Variants in ZNF521 observed in about 807,000 individuals in gnomAD.
The protein encoded by ZNF521 is zinc finger protein 521, also known as LYST-interacting protein 3.
A neutral mutation model predicts 105.5 loss-of-function variants in ZNF521; 14 were observed. The observed-to-expected ratio is 0.13, with a 90% CI of 0.09 to 0.21. The LOEUF is 0.21. Ranked by LOEUF, ZNF521 falls within the 10% of genes least tolerant of loss-of-function variation. The pLI, the probability that ZNF521 is intolerant of heterozygous loss-of-function variation, is 1.00. For synonymous variants in ZNF521, 635 were observed against 606.0 expected (o/e 1.05, Z -0.70); for missense variants, 1,233 against 1,629.7 (o/e 0.76, Z 4.19).
rs1159787305 is a variant in ZNF521, at chr18:25,062,042, T to C, written c.*670A>G. 5.1e-6 allele frequency: 1 copy of C among 195,066 alleles called. No homozygotes were observed. Among genetic ancestry groups the C allele is most frequent in the East Asian group, 8.0e-5 (1 of 12,450 alleles). The allele number at this position is 195,066 out of a possible 1,614,324, so 12.1% of individuals were successfully genotyped here. ...CAGGTTAGTTCAACTGATTCAAGAA[T>C]TTGGCTGCGTGAAATCATTAAGGAA... On this transcript the variant is annotated 3_prime_UTR_variant, in exon 8 of 8. Coordinates refer to ENST00000361524, the MANE Select transcript of ZNF521 (RefSeq NM_015461.3).
At chr18:25,182,548 T>C (rs2035649906) in intron 5 of ZNF521, among the ~76,000 whole-genome samples, 1 of 152,218 alleles carries the variant, frequency 6.6e-6, no homozygotes, top group African/African-American at 2.4e-5. Flanking sequence ...CTTAAAGCTA[T>C]CTCCTTTATT....
rs188925902 is a variant in ZNF521, at chr18:25,151,920, C to T, written c.3658+43240G>A. ...CAAAAGATCTAAGCAAAGTCCAGTC[C>T]TTTCTTATGGAACGGGGGTTGGCAG... On this transcript the variant is annotated intron_variant, in intron 5 of 7. Coordinates refer to ENST00000361524, the MANE Select transcript of ZNF521 (RefSeq NM_015461.3). Among the ~76,000 whole-genome samples, 18 of 152,284 alleles carry T rather than the reference C, an allele frequency of 1.2e-4. No homozygotes were observed. The East Asian group carries it at 3.5e-3, about 29-fold the overall frequency.
intron 5 of ZNF521, among the ~76,000 whole-genome samples, chr18:25,095,344 T>G (rs866744927): frequency 6.6e-6 from 1 of 152,106 alleles, no homozygotes; most frequent in African/African-American, 2.4e-5. Context: ...CCAATTCTGC[T>G]CTCTGGAAAG....
At chr18:25,164,419 C>A (rs1341600111) in intron 5 of ZNF521, among the ~76,000 whole-genome samples, 1 of 152,166 alleles carries the variant, frequency 6.6e-6, no homozygotes, top group Admixed American at 6.5e-5. Flanking sequence ...CCCAGGCCAG[C>A]ACCTGAGTCC....
At chr18:25,338,049 T>G (rs1913987575) in intron 2 of ZNF521, among the ~76,000 whole-genome samples, 1 of 152,112 alleles carries the variant, frequency 6.6e-6, no homozygotes, top group African/African-American at 2.4e-5. Context: ...ACATCACAAT[T>G]TAAGATTGGC....
chr18:25,062,752 C>CAAAAATAAAAAAA lies in ZNF521; in HGVS notation c.3907-12_3907-11insTTTTTTTATTTTT. 2.8e-6 allele frequency: 1 copy of CAAAAATAAAAAAA among 359,496 alleles called. No individual in the cohort carries two copies. Among genetic ancestry groups the CAAAAATAAAAAAA allele is most frequent in the South Asian group, 3.3e-5 (1 of 29,930 alleles). The allele number at this position is 359,496 out of a possible 1,614,324, so 22.3% of individuals were successfully genotyped here. A position where few individuals can be genotyped will look rare whatever the true frequency, so the allele number is the denominator to read the frequency against. On this transcript the variant is annotated splice_polypyrimidine_tract_variant and intron_variant, in intron 7 of 7. Coordinates refer to ENST00000361524, the MANE Select transcript of ZNF521 (RefSeq NM_015461.3). ...GGTCATTGTATGATTCTGTAAATAACAAAAAAAAAAAAAAAAAAAAAAAAA... is the reference window on the plus strand; with the variant it reads ...GGTCATTGTATGATTCTGTAAATAACAAAAATAAAAAAAAAAAAAAAAAAAAAAAAAAAAAAAA...
In ZNF521 at chr18:25,177,349, C is replaced by T. The variant is rs566373946; in HGVS notation, c.3658+17811G>A. 9.2e-5 allele frequency among the ~76,000 whole-genome samples: 14 copies of T among 152,212 alleles called. No individual in the cohort carries two copies. The South Asian group carries it at 2.9e-3, about 32-fold the overall frequency. ...AAGGAAGGTGTGGGAGGCAGGAGAC[C>T]TCTGCACTAATTCATAGGCACCCAT... On this transcript the variant is annotated intron_variant, in intron 5 of 7. Transcript: ENST00000361524.
chr18:25,063,829 A>C (rs12326098), intron 7 of ZNF521, among the ~76,000 whole-genome samples: 25,296 of 151,898 alleles, frequency 0.17, 2,314 homozygotes, highest in East Asian at 0.29. Context: ...CCTGACCCCA[A>C]TCCCTTTGTA....
Position 25,224,680 on chromosome 18 carries a change from G to C in ZNF521, c.3238C>G (p.Leu1080Val), listed in dbSNP as rs765326284. 6.2e-7 allele frequency: 1 copy of C among 1,614,070 alleles called. No individual in the cohort carries two copies. Among genetic ancestry groups the C allele is most frequent in the Admixed American group, 1.7e-5 (1 of 60,020 alleles). ...CLKEFRSKQDLVKLDINGLPY... is the reference protein window; with the variant it reads ...CLKEFRSKQDVVKLDINGLPY... The stretch of plus-strand genomic sequence containing the variant: ...AGGCCATTGATATCAAGTTTCACCA[G>C]ATCTTGCTTGGAACGGAATTCTTTG... Residue 1080 changes from leucine (L) to valine (V), a missense_variant, in exon 4 of 8, where the codon CTG (leucine) becomes GTG (valine). Transcript: ENST00000361524.
chr18:25,222,676 GGAGAA>G (rs1905811907), intron 4 of ZNF521, among the ~76,000 whole-genome samples: 1 of 152,022 alleles, frequency 6.6e-6, no homozygotes, highest in South Asian at 2.1e-4. Flanking sequence ...TAAAAACAAA[GGAGAA>G]GAGTAATTTT....
chr18:25,278,432 C>G (rs1370113301), intron 3 of ZNF521, among the ~76,000 whole-genome samples: 6 of 152,192 alleles, frequency 3.9e-5, no homozygotes, highest in Admixed American at 6.5e-5. Flanking sequence ...GCGATCTGTG[C>G]TGCTAAGTCC....
chr18:25,081,587 C>T (rs1314400192), intron 7 of ZNF521, among the ~76,000 whole-genome samples: 1 of 152,098 alleles, frequency 6.6e-6, no homozygotes, highest in African/African-American at 2.4e-5. Context: ...CCAGGTTGTG[C>T]CTCCAAGCAT....
At chr18:25,106,827 A>C (rs1282862435) in intron 5 of ZNF521, among the ~76,000 whole-genome samples, 1 of 152,112 alleles carries the variant, frequency 6.6e-6, no homozygotes, top group Non-Finnish European at 1.5e-5. Context: ...CAGTTTTATA[A>C]TCTGTCATCT....
chr18:25,089,438 T>C, intron 7 of ZNF521, 27 bp downstream of exon 7: 1 of 1,543,956 alleles, frequency 6.5e-7, no homozygotes, highest in Non-Finnish European at 9.0e-7. Flanking sequence ...CTGAGTTCAA[T>C]CCCAGTCCTC....
intron 3 of ZNF521, among the ~76,000 whole-genome samples, chr18:25,255,707 T>C (rs1159177941): frequency 6.6e-6 from 1 of 151,930 alleles, no homozygotes; most frequent in Non-Finnish European, 1.5e-5. Context: ...GACCCAGTCA[T>C]TGGTCTCAAG....
At chr18:25,292,772 AGT>A (rs1911110433) in intron 3 of ZNF521, among the ~76,000 whole-genome samples, 1 of 152,220 alleles carries the variant, frequency 6.6e-6, no homozygotes, top group Non-Finnish European at 1.5e-5. Flanking sequence ...CAAACATGAA[AGT>A]GGGAGATGAG....
chr18:25,241,653 G>A lies in ZNF521; in HGVS notation c.221-13956C>T, dbSNP rs1037397920. On this transcript the variant is annotated intron_variant, in intron 3 of 7. Transcript: ENST00000361524. The stretch of plus-strand genomic sequence containing the variant: ...TCCTACCTTCAATTCTTAACAAAAC[G>A]TAAGTCAAGGCTATTAAAACATCAC... 3.9e-5 allele frequency among the ~76,000 whole-genome samples: 6 copies of A among 152,082 alleles called. 1 individual carries two copies. The highest frequency in any genetic ancestry group is 3.9e-4 in the East Asian group (2 of 5,180).
intron 3 of ZNF521, among the ~76,000 whole-genome samples, chr18:25,313,876 G>A (rs1252366298): frequency 1.3e-5 from 2 of 152,010 alleles, no homozygotes; most frequent in Non-Finnish European, 2.9e-5. Flanking sequence ...TGCATTTTGG[G>A]GGCTTAGGGA....
chr18:25,240,947 TAAAA>T (rs35790866), intron 3 of ZNF521, among the ~76,000 whole-genome samples: 1 of 117,932 alleles, frequency 8.5e-6, no homozygotes, highest in Admixed American at 8.8e-5. Context: ...AACCAGATAT[TAAAA>T]AAAAAAAAAA....
Sources: gnomAD v4.1 joint callset for allele counts (sites outside exome capture counted in the v4.1 genomes callset) on GRCh38, gnomAD v4.1.1 for gene constraint, MANE v1.5 for transcripts, NCBI Gene and HGNC (gene_info 2026-07-23, HGNC 2026-07-21) for gene names.